Variants in PLXDC2 observed in about 807,000 individuals in gnomAD.
PLXDC2 encodes plexin domain-containing protein 2.
In PLXDC2, 40 loss-of-function variants were observed where a neutral mutation model predicts 68.9. That is an observed-to-expected ratio of 0.58 (90% CI 0.45 to 0.76). The LOEUF (loss-of-function observed/expected upper bound fraction) is 0.76, where lower values mean the gene tolerates loss of function less well. Ranked by LOEUF, PLXDC2 falls within the 30% of genes least tolerant of loss-of-function variation. The pLI, the probability that PLXDC2 is intolerant of heterozygous loss-of-function variation, is 0.00. For missense variants in PLXDC2, 644 were observed against 661.9 expected, an observed-to-expected ratio of 0.97 and a Z score of 0.30; for synonymous variants, 243 against 234.2, an observed-to-expected ratio of 1.04 and a Z score of -0.34.
intron 1 of PLXDC2, among the ~76,000 whole-genome samples, chr10:19,861,009 AT>A (rs11348327): frequency 0.65 from 92,692 of 143,468 alleles, 29,927 homozygotes; most frequent in African/African-American, 0.77. Context: ...TTGCTGGGTG[AT>A]TTTTTTTTTT....
intron 2 of PLXDC2, among the ~76,000 whole-genome samples, chr10:20,015,149 T>C (rs537552174): frequency 6.6e-6 from 1 of 152,354 alleles, no homozygotes; most frequent in African/African-American, 2.4e-5. Context: ...TTTCCCCCAG[T>C]CATCCTCTCT....
At chr10:19,890,385 G>A (rs1406555282) in intron 1 of PLXDC2, among the ~76,000 whole-genome samples, 1 of 152,056 alleles carries the variant, frequency 6.6e-6, no homozygotes, top group Non-Finnish European at 1.5e-5. Context: ...TAGTTTTTCA[G>A]CCCTTGCCCC....
chr10:19,969,200 T>C (rs1254965550), intron 1 of PLXDC2, among the ~76,000 whole-genome samples: 1 of 152,238 alleles, frequency 6.6e-6, no homozygotes, highest in African/African-American at 2.4e-5. Flanking sequence ...TGGACTTGTC[T>C]GTCTATACTG....
chr10:19,880,063 T>C (rs548349060), intron 1 of PLXDC2, among the ~76,000 whole-genome samples: 1 of 152,310 alleles, frequency 6.6e-6, no homozygotes, highest in East Asian at 1.9e-4. Context: ...TTTCAAAACA[T>C]TGAAAACACA....
chr10:19,957,130 G>T (rs1330871699), intron 1 of PLXDC2, among the ~76,000 whole-genome samples: 1 of 152,080 alleles, frequency 6.6e-6, no homozygotes, highest in African/African-American at 2.4e-5. Flanking sequence ...GAAAACTGGG[G>T]CTTTTAGAGT....
intron 4 of PLXDC2, among the ~76,000 whole-genome samples, chr10:20,135,213 T>G (rs1833918765): frequency 6.6e-6 from 1 of 152,210 alleles, no homozygotes; most frequent in Non-Finnish European, 1.5e-5. Context: ...TTTTGAAATA[T>G]TACTTGGTTC....
chr10:20,267,446 G>A (rs1835885745), intron 13 of PLXDC2, among the ~76,000 whole-genome samples: 1 of 152,116 alleles, frequency 6.6e-6, no homozygotes. Flanking sequence ...GAAGGCAGCA[G>A]AATTTGCAAA....
intron 1 of PLXDC2, among the ~76,000 whole-genome samples, chr10:19,882,961 C>CTTTTT (rs759825985): frequency 7.8e-6 from 1 of 128,352 alleles, no homozygotes; most frequent in Non-Finnish European, 1.7e-5. Flanking sequence ...TCCTTTCTTT[C>CTTTTT]TTTTTTTTTT....
rs554781955 is a variant in PLXDC2, at chr10:19,886,174, G to A, written c.112+68983G>A. On this transcript the variant is annotated intron_variant, in intron 1 of 13. Coordinates refer to ENST00000377252, the MANE Select transcript of PLXDC2 (RefSeq NM_032812.9). ...TCTGTGTGTCTGTTATTGGTGTATA[G>A]GAATGCTTGTGATTTTTGTACATTG... is the stretch of plus-strand genomic sequence containing the variant. 4.4e-4 allele frequency among the ~76,000 whole-genome samples: 67 copies of A among 152,214 alleles called. No homozygotes were observed. In the Middle Eastern group the frequency reaches 0.01, roughly 23 times the overall value.
intron 1 of PLXDC2, among the ~76,000 whole-genome samples, chr10:19,889,813 A>G (rs528391515): frequency 2.6e-4 from 40 of 152,300 alleles, no homozygotes; most frequent in Non-Finnish European, 4.7e-4. Context: ...CAGGTAACCC[A>G]TATAATTAAA....
At chr10:20,196,789 T>C (rs1267374166) in intron 9 of PLXDC2, among the ~76,000 whole-genome samples, 1 of 152,214 alleles carries the variant, frequency 6.6e-6, no homozygotes, top group Non-Finnish European at 1.5e-5. Flanking sequence ...TCATGTCAAC[T>C]ATTTCACGTT....
intron 1 of PLXDC2, among the ~76,000 whole-genome samples, chr10:19,823,072 C>T (rs749247138): frequency 8.5e-5 from 13 of 152,110 alleles, no homozygotes; most frequent in Admixed American, 4.6e-4. Context: ...CCCGCCACCA[C>T]GCCCAGCTAA....
chr10:20,182,397 T>G (rs1304819281), intron 9 of PLXDC2, among the ~76,000 whole-genome samples: 4 of 152,014 alleles, frequency 2.6e-5, no homozygotes, highest in Non-Finnish European at 5.9e-5. Flanking sequence ...ACGTAACATT[T>G]TTTCAATTAA....
chr10:20,244,093 A>G (rs919543302), intron 12 of PLXDC2, among the ~76,000 whole-genome samples: 2 of 152,078 alleles, frequency 1.3e-5, no homozygotes, highest in Non-Finnish European at 2.9e-5. Context: ...AGAAAAAAAA[A>G]AGAAAAGAAA....
intron 1 of PLXDC2, among the ~76,000 whole-genome samples, chr10:19,900,022 A>C (rs531842051): frequency 1.1e-4 from 17 of 152,286 alleles, no homozygotes; most frequent in Non-Finnish European, 1.8e-4. Flanking sequence ...AAAAATAGGA[A>C]ATTTATCACA....
chr10:19,868,481 G>A (rs1281922200), intron 1 of PLXDC2, among the ~76,000 whole-genome samples: 1 of 152,120 alleles, frequency 6.6e-6, no homozygotes, highest in Non-Finnish European at 1.5e-5. Context: ...AGCAACCAAT[G>A]TCTTGCAATG....
intron 1 of PLXDC2, among the ~76,000 whole-genome samples, chr10:19,930,433 CTGACTTAAAGGATATGT>C (rs1833608652): frequency 6.6e-6 from 1 of 152,066 alleles, no homozygotes; most frequent in Non-Finnish European, 1.5e-5. Flanking sequence ...GAAATATTTG[CTGACTTAAAGGATATGT>C]TGACTCTTAT....
At chr10:20,144,760 A>G (rs544536227) in intron 5 of PLXDC2, among the ~76,000 whole-genome samples, 1 of 152,300 alleles carries the variant, frequency 6.6e-6, no homozygotes, top group Admixed American at 6.5e-5. Context: ...GATTTAGTGA[A>G]CACTGACTAT....
At chr10:20,235,174 G>A (rs1225586514) in intron 12 of PLXDC2, among the ~76,000 whole-genome samples, 3 of 152,104 alleles carry the variant, frequency 2.0e-5, no homozygotes, top group African/African-American at 2.4e-5. Flanking sequence ...TGATCTTGGC[G>A]TTTCCGCTTG....
Sources: gnomAD v4.1 joint callset for allele counts (sites outside exome capture counted in the v4.1 genomes callset) on GRCh38, gnomAD v4.1.1 for gene constraint, MANE v1.5 for transcripts, NCBI Gene and HGNC (gene_info 2026-07-23, HGNC 2026-07-21) for gene names.